The following PDE8A variants were observed in gnomAD, a reference collection of about 807,000 sequenced individuals.
PDE8A encodes phosphodiesterase 8A.
In PDE8A, 59 loss-of-function variants were observed where a neutral mutation model predicts 105.0. The ratio of observed to expected loss-of-function variants is 0.56; its 90% CI spans 0.46 to 0.70. PDE8A has a LOEUF of 0.70. PDE8A is among the 30% of genes least tolerant of loss of function. PDE8A has a pLI of 0.00. For missense variants in PDE8A, 1,014 were observed against 1,045.9 expected (o/e 0.97, Z 0.42); for synonymous variants, 355 against 371.9 (o/e 0.95, Z 0.52).
Position 85,137,856 on chromosome 15 carries a change from G to A in PDE8A, c.2443G>A (p.Gly815Arg), listed in dbSNP as rs150757036. The part of the protein sequence containing the change: ...HLDNNFKYWK[G>R]LDEMKLRNLR... The stretch of plus-strand genomic sequence containing the variant: ...TGACAACAACTTTAAATACTGGAAA[G>A]GACTGGACGAAATGAAGCTGCGGAA... The change falls in exon 22 of 22, where the codon GGA becomes AGA. Residue 815 changes from glycine (G) to arginine (R), a missense_variant. Physicochemically the swap from Gly to Arg is moderately radical, Grantham distance 125 (BLOSUM62 -2). Transcript: ENST00000394553. The A allele has an allele frequency of 1.5e-5, 24 of 1,613,660 alleles. No individual in the cohort carries two copies. The African/African-American group carries it at 2.8e-4, about 19-fold the overall frequency.
chr15:85,078,726 A>G (rs1413415421), intron 5 of PDE8A, among the ~76,000 whole-genome samples: 2 of 152,164 alleles, frequency 1.3e-5, no homozygotes, highest in African/African-American at 4.8e-5. Context: ...CTTCAACCAG[A>G]AGGAATGTGA....
intron 3 of PDE8A, 93 bp from the exon 4 acceptor site, chr15:85,075,769 C>T: frequency 2.9e-6 from 2 of 686,370 alleles, no homozygotes; most frequent in East Asian, 5.7e-5. Flanking sequence ...CCTTCTACCC[C>T]TCTTCCAACT....
intron 11 of PDE8A, among the ~76,000 whole-genome samples, chr15:85,105,274 G>A (rs1393839577): frequency 6.6e-6 from 1 of 152,136 alleles, no homozygotes; most frequent in Non-Finnish European, 1.5e-5. Context: ...GGAGGAAGAG[G>A]TAGTTACCAG....
In PDE8A at chr15:85,035,757, G is replaced by T. The variant is rs1356739444; in HGVS notation, c.187-28613G>T. Among the ~76,000 whole-genome samples, 3 of 152,168 alleles carry T rather than the reference G, an allele frequency of 2.0e-5. No individual in the cohort carries two copies. The East Asian group carries it at 5.8e-4, about 29-fold the overall frequency. ...CTCAAGGACCAGGAAAATATATTTT[G>T]TTTTTGGAAGTTCTTGGAATATAAA... On this transcript the variant is annotated intron_variant, in intron 1 of 21. Coordinates refer to ENST00000394553, the MANE Select transcript of PDE8A (RefSeq NM_002605.3).
At chr15:85,108,428 G>A (rs1396928198) in intron 11 of PDE8A, among the ~76,000 whole-genome samples, 1 of 152,168 alleles carries the variant, frequency 6.6e-6, no homozygotes, top group East Asian at 1.9e-4. Flanking sequence ...CACAGAGAAG[G>A]GGTCAGGAAG....
chr15:85,081,939 T>TCCCTCCACAGCCCTCACATC (rs571323473), intron 5 of PDE8A, among the ~76,000 whole-genome samples: 5 of 151,890 alleles, frequency 3.3e-5, no homozygotes, highest in Non-Finnish European at 4.4e-5. Flanking sequence ...AAATACACAT[T>TCCCTCCACAGCCCTCACATC]CCCTCCACAG....
chr15:85,078,429 C>G (rs997487777), intron 5 of PDE8A, among the ~76,000 whole-genome samples: 1 of 151,186 alleles, frequency 6.6e-6, no homozygotes, highest in Non-Finnish European at 1.5e-5. Context: ...ACCTGTAATC[C>G]CAGCTACTTG....
Position 85,138,964 on chromosome 15 carries a change from G to A in PDE8A, c.*1061G>A, listed in dbSNP as rs2082459019. On this transcript the variant is annotated 3_prime_UTR_variant, in exon 22 of 22. Coordinates refer to ENST00000394553, the MANE Select transcript of PDE8A (RefSeq NM_002605.3). Reference sequence around the variant, plus strand: ...TATAACCAACCTGTTTTTATCTACGGTGGGAATCTTTGATGCCAGAAATTT... The same window carrying A: ...TATAACCAACCTGTTTTTATCTACGATGGGAATCTTTGATGCCAGAAATTT... 6.6e-6 allele frequency: 1 copy of A among 151,872 alleles called. No homozygotes were observed. The highest frequency in any genetic ancestry group is 6.6e-5 in the Admixed American group (1 of 15,252). The allele number at this position is 151,872 out of a possible 1,614,324, so 9.4% of individuals were successfully genotyped here.
chr15:85,086,863 G>A lies in PDE8A; in HGVS notation c.636-2475G>A, dbSNP rs1365881893. Among the ~76,000 whole-genome samples the A allele has an allele frequency of 2.0e-5, 3 of 151,852 alleles. No homozygotes were observed. In the East Asian group the frequency reaches 5.8e-4, roughly 29 times the overall value. On this transcript the variant is annotated intron_variant, in intron 6 of 21. Coordinates refer to ENST00000394553, the MANE Select transcript of PDE8A (RefSeq NM_002605.3). The stretch of plus-strand genomic sequence containing the variant: ...CCTCCCAGGTTCAAGCGATTCTCCT[G>A]CCTCAGCCTCCCAAGTAGCTGGTAT...
At chr15:85,098,114 T>C in intron 9 of PDE8A, 78 bp downstream of exon 9, 2 of 841,254 alleles carry the variant, frequency 2.4e-6, no homozygotes, top group South Asian at 2.8e-5. Context: ...ATATTTAAGT[T>C]AAGGACTGCT....
intron 8 of PDE8A, among the ~76,000 whole-genome samples, chr15:85,093,620 C>T (rs2081687112): frequency 6.6e-6 from 1 of 152,206 alleles, no homozygotes; most frequent in Non-Finnish European, 1.5e-5. Context: ...ATATTATAAA[C>T]ATTTTCCATC....
At chr15:84,987,181 T>G (rs138614643) in intron 1 of PDE8A, among the ~76,000 whole-genome samples, 197 of 152,362 alleles carry the variant, frequency 1.3e-3, no homozygotes, top group African/African-American at 4.5e-3. Context: ...AGATATTTCT[T>G]TATTCATTTT....
Position 85,011,872 on chromosome 15 carries a change from CAAAA to C in PDE8A, c.186+29526_186+29529del, listed in dbSNP as rs2080245123. The stretch of plus-strand genomic sequence containing the variant: ...CAAGAAAAAAAACAAACAACCCCAT[CAAAA>C]AGTGGGCGAAGGACATGAACAGACA... On this transcript the variant is annotated intron_variant, in intron 1 of 21. Transcript: ENST00000394553. Among the ~76,000 whole-genome samples the C allele has an allele frequency of 3.9e-5, 6 of 152,268 alleles. No individual in the cohort carries two copies. The South Asian group carries it at 1.0e-3, about 26-fold the overall frequency.
chr15:85,012,555 G>T (rs1414068924), intron 1 of PDE8A, among the ~76,000 whole-genome samples: 4 of 146,678 alleles, frequency 2.7e-5, no homozygotes, highest in East Asian at 2.1e-4. Context: ...TTGTGGGTTG[G>T]GGGGAGGGGG....
intron 1 of PDE8A, among the ~76,000 whole-genome samples, chr15:85,061,909 G>A (rs1027170351): frequency 6.6e-6 from 1 of 151,938 alleles, no homozygotes; most frequent in African/African-American, 2.4e-5. Flanking sequence ...TTTCATTCCA[G>A]TTATTGTACT....
intron 6 of PDE8A, among the ~76,000 whole-genome samples, chr15:85,084,360 G>C (rs2081515952): frequency 6.6e-6 from 1 of 152,188 alleles, no homozygotes; most frequent in Admixed American, 6.5e-5. Context: ...GTACTTTATA[G>C]ACAAAATGAA....
chr15:85,041,090 G>A (rs1478087557), intron 1 of PDE8A, among the ~76,000 whole-genome samples: 2 of 152,170 alleles, frequency 1.3e-5, no homozygotes, highest in Non-Finnish European at 2.9e-5. Context: ...CTGGGTTGTA[G>A]GGTAATGCAA....
intron 1 of PDE8A, among the ~76,000 whole-genome samples, chr15:85,061,067 C>T (rs529442007): frequency 4.7e-4 from 72 of 151,850 alleles, no homozygotes; most frequent in African/African-American, 1.7e-3. Flanking sequence ...GTCTTAATTC[C>T]TCCCTCACTT....
chr15:85,098,037 G>T lies in PDE8A; in HGVS notation c.941+1G>T. 6.5e-7 allele frequency: 1 copy of T among 1,545,092 alleles called. No individual in the cohort carries two copies. The highest frequency in any genetic ancestry group is 8.9e-7 in the Non-Finnish European group (1 of 1,118,498). On this transcript the variant is annotated splice_donor_variant, in intron 9 of 21. Coordinates refer to ENST00000394553, the MANE Select transcript of PDE8A (RefSeq NM_002605.3). LOFTEE classifies it high-confidence loss of function. ...TAATACCTGTCATTGGACAGGGAGGGTAAGTGGAAAAAACAAGTACATCAA... is the reference window on the plus strand; with the variant it reads ...TAATACCTGTCATTGGACAGGGAGGTTAAGTGGAAAAAACAAGTACATCAA...
Sources: gnomAD v4.1 joint callset for allele counts (sites outside exome capture counted in the v4.1 genomes callset) on GRCh38, gnomAD v4.1.1 for gene constraint, MANE v1.5 for transcripts, NCBI Gene and HGNC (gene_info 2026-07-23, HGNC 2026-07-21) for gene names.